Variants in TRPM4 observed in about 807,000 individuals in gnomAD.
TRPM4 encodes the protein transient receptor potential cation channel subfamily M member 4, also known as calcium-activated non-selective cation channel 1.
Under a neutral mutation model 135.6 loss-of-function variants are expected in TRPM4, and 124 were observed. The ratio of observed to expected loss-of-function variants is 0.91; its 90% CI spans 0.79 to 1.06. The LOEUF (loss-of-function observed/expected upper bound fraction) is 1.06. Among genes scored for constraint, TRPM4 ranks in the 50% least tolerant of loss-of-function variants. The probability of loss-of-function intolerance (pLI) is 0.00; values close to 1 mark genes in which losing one functional copy is unlikely to be tolerated. For synonymous variants in TRPM4, 745 were observed against 705.6 expected, an observed-to-expected ratio of 1.06 and a Z score of -0.88; for missense variants, 1,658 against 1,671.4, an observed-to-expected ratio of 0.99 and a Z score of 0.14.
At chr19:49,196,104 C>T (rs957794600) in intron 16 of TRPM4, among the ~76,000 whole-genome samples, 16 of 152,048 alleles carry the variant, frequency 1.1e-4, no homozygotes, top group African/African-American at 3.9e-4. Flanking sequence ...GGTGATCTGC[C>T]CGCCTTAACT....
intron 20 of TRPM4, among the ~76,000 whole-genome samples, chr19:49,205,676 C>T (rs1969122110): frequency 6.6e-6 from 1 of 151,454 alleles, no homozygotes; most frequent in Non-Finnish European, 1.5e-5. Flanking sequence ...GCTGGGATTA[C>T]AGGTGCCTGC....
chr19:49,175,879 G>T (rs553880537), intron 9 of TRPM4, among the ~76,000 whole-genome samples: 1 of 148,832 alleles, frequency 6.7e-6, no homozygotes, highest in African/African-American at 2.5e-5. Flanking sequence ...CACCCGCCTC[G>T]GCCTCCCAAA....
chr19:49,190,137 A>G, intron 14 of TRPM4, 71 bp from the exon 15 acceptor site: 3 of 1,314,064 alleles, frequency 2.3e-6, no homozygotes, highest in South Asian at 1.2e-5. Flanking sequence ...CTGCAGTCCA[A>G]CCCTTGCTGG....
rs191934795 is a variant in TRPM4 at position 49,163,416 on chromosome 19, G to A, written c.93-2625G>A. Among the ~76,000 whole-genome samples, 348 of 150,250 alleles carry A rather than the reference G, an allele frequency of 2.3e-3. 3 individuals carry two copies. Among genetic ancestry groups the A allele is most frequent in the South Asian group, 0.014 (68 of 4,694 alleles). ...TCACTATGTTGGCCAGGCTGGTCTC[G>A]AACTCCTGACCTCATGATCCGCCCG... On this transcript the variant is annotated intron_variant, in intron 2 of 24. Transcript: ENST00000252826.
Position 49,211,092 on chromosome 19 carries a change from G to A in TRPM4, c.3534+5G>A, listed in dbSNP as rs778431147. 2 of 1,613,962 alleles carry A rather than the reference G, an allele frequency of 1.2e-6. No individual in the cohort carries two copies. Among genetic ancestry groups the A allele is most frequent in the Non-Finnish European group, 1.7e-6 (2 of 1,179,958 alleles). ...CTGAAAGTGCTGGAGCGGGAGGTGA[G>A]GCCTTGGGGCCTGGCTGGGGGACTG... is the stretch of plus-strand genomic sequence containing the variant. On this transcript the variant is annotated splice_donor_5th_base_variant and intron_variant, in intron 23 of 24. Transcript: ENST00000252826. This position sits in a 1 kb window ranked among gnomAD's most constrained non-coding sequence, Gnocchi z 4.8.
intron 20 of TRPM4, among the ~76,000 whole-genome samples, chr19:49,208,691 G>A (rs1187631605): frequency 1.3e-5 from 2 of 151,992 alleles, no homozygotes; most frequent in African/African-American, 2.4e-5. Context: ...TATAACTCTT[G>A]TTATTTTATA....
At chr19:49,186,049 CCT>C (rs1194648781) in intron 12 of TRPM4, among the ~76,000 whole-genome samples, 2 of 152,222 alleles carry the variant, frequency 1.3e-5, no homozygotes, top group Non-Finnish European at 2.9e-5. Context: ...CCGCGCCCAC[CCT>C]GTTTAGTGAC....
At chr19:49,172,214 C>T in intron 9 of TRPM4, 106 bp downstream of exon 9, 3 of 867,152 alleles carry the variant, frequency 3.5e-6, no homozygotes, top group Non-Finnish European at 3.9e-6. Context: ...CCCATGCCCC[C>T]TTTACCCCTC....
intron 16 of TRPM4, among the ~76,000 whole-genome samples, chr19:49,193,681 G>T (rs998056209): frequency 2.0e-5 from 3 of 151,954 alleles, no homozygotes; most frequent in African/African-American, 7.3e-5. Context: ...TGGCAGATGT[G>T]GGGGAAGCTT....
At chr19:49,209,631 T>C (rs1969273520) in intron 20 of TRPM4, among the ~76,000 whole-genome samples, 1 of 152,148 alleles carries the variant, frequency 6.6e-6, no homozygotes, top group African/African-American at 2.4e-5. Context: ...TAGTTATTTG[T>C]GTCCAGGCTA....
intron 12 of TRPM4, 28 bp from the exon 13 acceptor site, chr19:49,188,613 C>G (rs112004068): frequency 1.9e-6 from 3 of 1,614,152 alleles, no homozygotes; most frequent in African/African-American, 2.7e-5. Context: ...CCCTCTTTGA[C>G]GCATCCGTGC....
intron 20 of TRPM4, 114 bp downstream of exon 20, chr19:49,202,255 T>G: frequency 1.6e-6 from 2 of 1,280,822 alleles, no homozygotes; most frequent in Non-Finnish European, 2.2e-6. Context: ...TCTGATCCAA[T>G]CTAATGCTGC....
chr19:49,208,108 A>C (rs1210851221), intron 20 of TRPM4, among the ~76,000 whole-genome samples: 1 of 150,882 alleles, frequency 6.6e-6, no homozygotes, highest in Non-Finnish European at 1.5e-5. Flanking sequence ...TCTTTTAAGA[A>C]AGATCAAAGA....
Position 49,158,266 on chromosome 19 carries a change from A to G in TRPM4, c.92+7A>G, listed in dbSNP as rs1281839491. ...TTGACTCCACAGATCCGGGGTGAGG[A>G]GTTCGCCCCTGGACTGACCCCAGAG... On this transcript the variant is annotated splice_region_variant and intron_variant, in intron 2 of 24. Transcript: ENST00000252826. The G allele has an allele frequency of 1.2e-6, 2 of 1,613,310 alleles. No homozygotes were observed. The highest frequency in any genetic ancestry group is 1.7e-6 in the Non-Finnish European group (2 of 1,179,690).
At chr19:49,161,767 T>A (rs986090943) in intron 2 of TRPM4, among the ~76,000 whole-genome samples, 1 of 151,972 alleles carries the variant, frequency 6.6e-6, no homozygotes, top group Non-Finnish European at 1.5e-5. Context: ...GTAGCTGGGA[T>A]TACAGGCACC....
Position 49,168,545 on chromosome 19 carries a change from T to A in TRPM4, c.613-8T>A, listed in dbSNP as rs190211117. 10 of 1,613,800 alleles carry A rather than the reference T, an allele frequency of 6.2e-6. 1 individual carries two copies. In the Admixed American group the frequency reaches 1.5e-4, roughly 24 times the overall value. ...GGAGACGCCCTGGTCTGGCCATTTT[T>A]CCCCTAGGGCTCGTTCCCTGCGAGG... On this transcript the variant is annotated splice_region_variant and splice_polypyrimidine_tract_variant and intron_variant, in intron 5 of 24. Transcript: ENST00000252826.
rs1234660025 is a variant in TRPM4, at chr19:49,210,278, G to A, written c.3201G>A (p.Arg1067=). 1.9e-6 allele frequency: 3 copies of A among 1,614,216 alleles called. No homozygotes were observed. The highest frequency in any genetic ancestry group is 2.2e-5 in the South Asian group (2 of 91,086). ...YWKAQRYRLI[R]EFHSRPALAP... is the part of the protein sequence containing the mutation. ...AGGCGCAGCGTTACCGCCTCATCCGGGAATTCCACTCTCGGCCCGCGCTGG... is the reference window on the plus strand; with the variant it reads ...AGGCGCAGCGTTACCGCCTCATCCGAGAATTCCACTCTCGGCCCGCGCTGG... Residue 1067 remains arginine (R), a synonymous_variant, in exon 21 of 25, where the codon CGG becomes CGA. Coordinates refer to ENST00000252826, the MANE Select transcript of TRPM4 (RefSeq NM_017636.4). The surrounding 1 kb of genome is among the most constrained non-coding windows in gnomAD (Gnocchi z 4.1).
At chr19:49,197,300 T>G (rs913769815) in intron 17 of TRPM4, among the ~76,000 whole-genome samples, 1 of 121,364 alleles carries the variant, frequency 8.2e-6, no homozygotes, top group African/African-American at 3.7e-5. Flanking sequence ...TTCTTTCTCT[T>G]TCTTTCTTTT....
intron 20 of TRPM4, among the ~76,000 whole-genome samples, chr19:49,205,526 CTTTTTTTTTTTT>C (rs576873516): frequency 0.061 from 7,789 of 126,988 alleles, 650 homozygotes; most frequent in African/African-American, 0.19. Context: ...ATGACTTCAA[CTTTTTTTTTTTT>C]TTTTTTTTTT....
Sources: allele counts gnomAD v4.1 joint callset (sites outside exome capture counted in the v4.1 genomes callset), GRCh38; gene constraint gnomAD v4.1.1; non-coding constraint Gnocchi (gnomAD v3.1); transcripts MANE v1.5; gene names NCBI Gene and HGNC (gene_info 2026-07-23, HGNC 2026-07-21).